VPS8: variants seen among roughly 807,000 people sequenced by gnomAD.
VPS8 encodes VPS8 subunit of CORVET complex.
Under a neutral mutation model 216.4 loss-of-function variants are expected in VPS8, and 129 were observed. That is an observed-to-expected ratio of 0.60 (90% confidence interval 0.52 to 0.69). The LOEUF is 0.69. Ranked by LOEUF, VPS8 falls within the 30% of genes least tolerant of loss-of-function variation. The pLI, the probability that VPS8 is intolerant of heterozygous loss-of-function variation, is 0.00. For synonymous variants in VPS8, 571 were observed against 565.4 expected (o/e 1.01, Z -0.14); for missense variants, 1,531 against 1,683.5 (o/e 0.91, Z 1.59).
chr3:184,885,633 C>T lies in VPS8; in HGVS notation c.1735-477C>T, dbSNP rs117240445. 1.5e-4 allele frequency among the ~76,000 whole-genome samples: 23 copies of T among 152,050 alleles called. No homozygotes were observed. In the East Asian group the frequency reaches 3.5e-3, roughly 23 times the overall value. ...TTTGCTTATGGTTTTCTTTTTTTTG[C>T]GAGTTTTCTTTACAGATCTGTGAGA... On this transcript the variant is annotated intron_variant, in intron 21 of 47. Coordinates refer to ENST00000625842, the MANE Select transcript of VPS8 (RefSeq NM_001009921.3).
chr3:184,916,331 T>C (rs1379513442), intron 28 of VPS8, among the ~76,000 whole-genome samples: 1 of 152,150 alleles, frequency 6.6e-6, no homozygotes, highest in African/African-American at 2.4e-5. Flanking sequence ...GCTTTTGATA[T>C]TATGGAAAAT....
intron 25 of VPS8, among the ~76,000 whole-genome samples, chr3:184,905,084 A>G (rs1735240574): frequency 6.6e-6 from 1 of 152,186 alleles, no homozygotes; most frequent in South Asian, 2.1e-4. Context: ...AGAAGAGTGG[A>G]AAAAGAGTGA....
At chr3:184,953,796 A>G (rs2109436632) in intron 36 of VPS8, among the ~76,000 whole-genome samples, 2 of 152,324 alleles carry the variant, frequency 1.3e-5, no homozygotes, top group African/African-American at 4.8e-5. Context: ...TTTCCCTCGA[A>G]GAGATTCAAG....
intron 45 of VPS8, among the ~76,000 whole-genome samples, chr3:185,005,221 C>G (rs896191452): frequency 6.6e-6 from 1 of 152,144 alleles, no homozygotes; most frequent in African/African-American, 2.4e-5. Flanking sequence ...CTGCTCTGTT[C>G]CATTGGTCTA....
chr3:184,893,412 G>C (rs757602869), intron 22 of VPS8: 20 of 998,234 alleles, frequency 2.0e-5, no homozygotes, highest in African/African-American at 3.5e-5. Flanking sequence ...AATCTCAACA[G>C]GTAAATAAAA....
chr3:184,880,874 T>C (rs11714752), intron 21 of VPS8, among the ~76,000 whole-genome samples: 35,474 of 152,050 alleles, frequency 0.23, 4,964 homozygotes, highest in East Asian at 0.63. Context: ...CATAATGGTA[T>C]CTCATTGTGG....
intron 31 of VPS8, 50 bp downstream of exon 31, chr3:184,926,700 G>A (rs1156514705): frequency 2.0e-6 from 3 of 1,535,740 alleles, no homozygotes; most frequent in South Asian, 1.2e-5. Context: ...AGAAGAGTAA[G>A]CCAGAAAGAA....
chr3:184,824,548 T>G lies in VPS8; in HGVS notation c.-85T>G, dbSNP rs965198500. On this transcript the variant is annotated 5_prime_UTR_variant, in exon 2 of 48. Transcript: ENST00000625842. Reference sequence around the variant, plus strand: ...GTTTTTTTCTTTTTTTGAAAAGAGATAATCATTCAGGTCTTCGTGAGCTAA... The same window carrying G: ...GTTTTTTTCTTTTTTTGAAAAGAGAGAATCATTCAGGTCTTCGTGAGCTAA... 5 of 1,379,094 alleles carry G rather than the reference T, an allele frequency of 3.6e-6. No homozygotes were observed. Among genetic ancestry groups the G allele is most frequent in the African/African-American group, 2.9e-5 (2 of 68,998 alleles). The allele number at this position is 1,379,094 out of a possible 1,614,324, so 85.4% of individuals were successfully genotyped here.
intron 36 of VPS8, among the ~76,000 whole-genome samples, chr3:184,953,134 C>T (rs962517026): frequency 6.6e-6 from 1 of 152,138 alleles, no homozygotes; most frequent in African/African-American, 2.4e-5. Context: ...TGCAGTAAAG[C>T]CAAACACCCA....
intron 45 of VPS8, among the ~76,000 whole-genome samples, chr3:185,013,626 T>C (rs1442735274): frequency 6.6e-6 from 1 of 152,256 alleles, no homozygotes. Context: ...CTTTCCTAAA[T>C]TTTGATCTTA....
At chr3:185,017,975 G>T (rs1413359718) in intron 45 of VPS8, among the ~76,000 whole-genome samples, 1 of 152,138 alleles carries the variant, frequency 6.6e-6, no homozygotes, top group African/African-American at 2.4e-5. Context: ...TCAACTGGTG[G>T]CCTGACTTGC....
chr3:184,924,760 C>T (rs754887312), intron 29 of VPS8, 102 bp from the exon 30 acceptor site: 7 of 1,384,458 alleles, frequency 5.1e-6, no homozygotes, highest in Non-Finnish European at 3.8e-6. Flanking sequence ...AATCTTTTTA[C>T]GCGTCTTCAG....
At chr3:184,998,581 A>G (rs1367246345) in intron 44 of VPS8, among the ~76,000 whole-genome samples, 1 of 143,128 alleles carries the variant, frequency 7.0e-6, no homozygotes, top group Non-Finnish European at 1.5e-5. Flanking sequence ...GAAAAAGAGT[A>G]TAAAGACTAT....
At chr3:184,829,257 A>G (rs1174484446) in intron 3 of VPS8, among the ~76,000 whole-genome samples, 1 of 152,128 alleles carries the variant, frequency 6.6e-6, no homozygotes, top group Non-Finnish European at 1.5e-5. Flanking sequence ...TCTATCACCC[A>G]GGCTGGAGTG....
intron 40 of VPS8, among the ~76,000 whole-genome samples, chr3:184,982,139 G>A (rs1750309304): frequency 6.6e-6 from 1 of 152,012 alleles, no homozygotes; most frequent in Non-Finnish European, 1.5e-5. Flanking sequence ...GTGGGGGACA[G>A]CTAGTGGGGG....
chr3:184,873,010 T>C (rs1359770702), intron 21 of VPS8, among the ~76,000 whole-genome samples: 2 of 152,146 alleles, frequency 1.3e-5, no homozygotes, highest in Non-Finnish European at 2.9e-5. Flanking sequence ...GAGAATGATA[T>C]GGTCCAGACT....
At chr3:185,003,819 G>A (rs1165905409) in intron 45 of VPS8, among the ~76,000 whole-genome samples, 11 of 151,448 alleles carry the variant, frequency 7.3e-5, no homozygotes, top group East Asian at 3.9e-4. Context: ...GCTGCCGGGC[G>A]GAGGGTCTCC....
intron 46 of VPS8, among the ~76,000 whole-genome samples, chr3:185,035,646 A>C (rs1758778446): frequency 6.6e-6 from 1 of 152,236 alleles, no homozygotes; most frequent in Non-Finnish European, 1.5e-5. Context: ...ATGCACAGCT[A>C]ACATCATACT....
rs149648339 is a variant in VPS8, at chr3:184,850,111, G to A, written c.753+89G>A. 478 of 1,069,262 alleles carry A rather than the reference G, an allele frequency of 4.5e-4. 4 individuals are homozygous for A. The East Asian group carries it at 0.012, about 27-fold the overall frequency. 66.2% of individuals were successfully genotyped at this position (1,069,262 alleles called of 1,614,324 possible). On this transcript the variant is annotated intron_variant, in intron 10 of 47. Coordinates refer to ENST00000625842, the MANE Select transcript of VPS8 (RefSeq NM_001009921.3). ...AAATTTCTCTATGTTGATGATCAGA[G>A]TCCAAAAAATGTATTTAACATGAAG...
Sources: gnomAD v4.1 joint callset for allele counts (sites outside exome capture counted in the v4.1 genomes callset) on GRCh38, gnomAD v4.1.1 for gene constraint, MANE v1.5 for transcripts, NCBI Gene and HGNC (gene_info 2026-07-23, HGNC 2026-07-21) for gene names.